Variants in MID1 observed in about 807,000 individuals in gnomAD.
MID1 encodes midline 1.
In MID1, 7 loss-of-function variants were observed where a neutral mutation model predicts 40.4. That is an observed-to-expected ratio of 0.17 (90% CI 0.10 to 0.33). MID1 has a LOEUF of 0.33. Among genes scored for constraint, MID1 ranks in the 10% least tolerant of loss-of-function variants. MID1 has a pLI of 1.00. For synonymous variants in MID1, 229 were observed against 221.2 expected (o/e 1.04, Z -0.31); for missense variants, 367 against 558.5 (o/e 0.66, Z 3.46).
intron 2 of MID1, among the ~76,000 whole-genome samples, chrX:10,533,148 C>T (rs1252324043): frequency 1.8e-5 from 2 of 109,508 alleles, no homozygotes; most frequent in Non-Finnish European, 3.8e-5. Context: ...GTATACAAAA[C>T]TCACATTTCT....
intron 1 of MID1, among the ~76,000 whole-genome samples, chrX:10,664,498 C>G (rs1359893553): frequency 8.9e-6 from 1 of 111,994 alleles, no homozygotes; most frequent in East Asian, 2.8e-4. Flanking sequence ...ATCCATTCAT[C>G]CACTGATAAA....
chrX:10,531,532 G>GATAC (rs1362897930), intron 2 of MID1, among the ~76,000 whole-genome samples: 1 of 112,038 alleles, frequency 8.9e-6, no homozygotes, highest in African/African-American at 3.2e-5. Flanking sequence ...TTTGATATGT[G>GATAC]ATACAGTGTT....
At chrX:10,527,510 G>A (rs1416739421) in intron 2 of MID1, among the ~76,000 whole-genome samples, 3 of 112,043 alleles carry the variant, frequency 2.7e-5, no homozygotes, top group Non-Finnish European at 5.6e-5. Flanking sequence ...GGAACATTTA[G>A]TTTGGACACA....
intron 5 of MID1, among the ~76,000 whole-genome samples, chrX:10,481,503 G>A (rs960070670): frequency 8.9e-6 from 1 of 111,888 alleles, no homozygotes; most frequent in Non-Finnish European, 1.9e-5. Flanking sequence ...GCAGTGGCAC[G>A]ATCTCGGCTC....
At chrX:10,760,322 C>A (rs913041225) in intron 1 of MID1, among the ~76,000 whole-genome samples, 2 of 111,522 alleles carry the variant, frequency 1.8e-5, no homozygotes, top group African/African-American at 6.5e-5. Context: ...ATTGAATCCC[C>A]CTCTCTCTAA....
At chrX:10,580,739 T>G (rs2147491422) in intron 1 of MID1, among the ~76,000 whole-genome samples, 1 of 110,104 alleles carries the variant, frequency 9.1e-6, no homozygotes, top group Admixed American at 9.7e-5. Context: ...ACTATTCTCC[T>G]TTTCCCCACT....
chrX:10,743,489 A>T (rs992859522), intron 1 of MID1, among the ~76,000 whole-genome samples: 1 of 112,192 alleles, frequency 8.9e-6, no homozygotes, highest in Non-Finnish European at 1.9e-5. Context: ...GGATCTTAAC[A>T]ACTGTGTTTA....
intron 1 of MID1, among the ~76,000 whole-genome samples, chrX:10,798,736 G>A (rs1373964369): frequency 5.4e-5 from 6 of 111,576 alleles, no homozygotes; most frequent in African/African-American, 2.0e-4. Flanking sequence ...AAGAAAAGAA[G>A]GGAAGGAAGG....
intron 1 of MID1, among the ~76,000 whole-genome samples, chrX:10,726,738 C>T (rs926890639): frequency 2.7e-5 from 3 of 112,563 alleles, no homozygotes; most frequent in Non-Finnish European, 3.7e-5. Context: ...CCAACTTGAG[C>T]GTCCTGGTCC....
intron 7 of MID1, among the ~76,000 whole-genome samples, chrX:10,468,493 T>A (rs1423104704): frequency 8.9e-6 from 1 of 112,779 alleles, no homozygotes; most frequent in Non-Finnish European, 1.9e-5. Flanking sequence ...ATTCAAAACA[T>A]CTCTTTGTTG....
chrX:10,585,021 T>C (rs1302394420), intron 1 of MID1, among the ~76,000 whole-genome samples: 1 of 110,405 alleles, frequency 9.1e-6, no homozygotes, highest in African/African-American at 3.3e-5. Flanking sequence ...CATGCACCGG[T>C]GGTTAGAGTG....
intron 3 of MID1, among the ~76,000 whole-genome samples, chrX:10,522,758 A>C: frequency 9.0e-6 from 1 of 111,551 alleles, no homozygotes; most frequent in Non-Finnish European, 1.9e-5. Context: ...GGCCTCCCAA[A>C]GTGCTGGGGT....
chrX:10,571,152 G>A (rs1032043095), intron 1 of MID1, among the ~76,000 whole-genome samples: 1 of 112,473 alleles, frequency 8.9e-6, no homozygotes, highest in African/African-American at 3.2e-5. Context: ...ATAGCACCTG[G>A]CATAGTGCTT....
chrX:10,814,353 T>C (rs1277623924), intron 1 of MID1, among the ~76,000 whole-genome samples: 1 of 111,743 alleles, frequency 8.9e-6, no homozygotes, highest in Non-Finnish European at 1.9e-5. Context: ...ACAACAATTT[T>C]TGGCCACCAG....
At chrX:10,795,998 T>C (rs2043964433) in intron 1 of MID1, among the ~76,000 whole-genome samples, 1 of 111,751 alleles carries the variant, frequency 8.9e-6, no homozygotes, top group Non-Finnish European at 1.9e-5. Context: ...CTATACACTG[T>C]TTTTCCCATG....
At chrX:10,488,855 A>G (rs1674771482) in intron 4 of MID1, among the ~76,000 whole-genome samples, 1 of 111,499 alleles carries the variant, frequency 9.0e-6, no homozygotes, top group African/African-American at 3.3e-5. Flanking sequence ...GCCCTCGAAC[A>G]TCGGACTCCA....
At chrX:10,603,548 T>C (rs995136088) in intron 1 of MID1, among the ~76,000 whole-genome samples, 2 of 111,960 alleles carry the variant, frequency 1.8e-5, no homozygotes, top group Non-Finnish European at 3.8e-5. Context: ...CTAACATGGC[T>C]TGATCCTAAA....
intron 3 of MID1, among the ~76,000 whole-genome samples, chrX:10,518,366 C>T (rs1257229670): frequency 9.0e-6 from 1 of 111,415 alleles, no homozygotes; most frequent in African/African-American, 3.3e-5. Flanking sequence ...TTAGAGAAAC[C>T]CAGTAATATG....
At chrX:10,480,291 G>A (rs1270791188) in intron 5 of MID1, among the ~76,000 whole-genome samples, 1 of 112,376 alleles carries the variant, frequency 8.9e-6, no homozygotes, top group African/African-American at 3.2e-5. Context: ...CACTGGAACT[G>A]AGGGAGATTG....
Sources: allele counts gnomAD v4.1 joint callset (sites outside exome capture counted in the v4.1 genomes callset), GRCh38; gene constraint gnomAD v4.1.1; transcripts MANE v1.5; gene names NCBI Gene and HGNC (gene_info 2026-07-23, HGNC 2026-07-21).